SYTL5: variants seen among roughly 807,000 people sequenced by gnomAD.
SYTL5 encodes the protein synaptotagmin-like protein 5.
A neutral mutation model predicts 55.9 loss-of-function variants in SYTL5; 34 were observed. The observed-to-expected ratio is 0.61, with a 90% CI of 0.46 to 0.81. The LOEUF (loss-of-function observed/expected upper bound fraction) is 0.81. SYTL5 is among the 30% of genes least tolerant of loss of function. The pLI is 0.00. For synonymous variants in SYTL5, 221 were observed against 188.7 expected (o/e 1.17, Z -1.40); for missense variants, 637 against 546.7 (o/e 1.17, Z -1.65).
the SYTL5 span, among the ~76,000 whole-genome samples, chrX:37,970,884 A>G: frequency 8.9e-6 from 1 of 112,334 alleles, no homozygotes; most frequent in Non-Finnish European, 1.9e-5. Context: ...CCCTTATGGC[A>G]AATCTTATAG....
At chrX:37,889,654 A>G in the SYTL5 span, among the ~76,000 whole-genome samples, 1 of 111,512 alleles carries the variant, frequency 9.0e-6, no homozygotes, top group Non-Finnish European at 1.9e-5. Context: ...TTACCTAATA[A>G]TAGCCCACCC....
chrX:37,932,366 T>C, the SYTL5 span, among the ~76,000 whole-genome samples: 1 of 111,786 alleles, frequency 8.9e-6, no homozygotes, highest in African/African-American at 3.3e-5. Context: ...GGGTAAACCT[T>C]TTCATGTCTT....
At chrX:38,101,185 T>C (rs1937074477) in intron 9 of SYTL5, among the ~76,000 whole-genome samples, 1 of 111,268 alleles carries the variant, frequency 9.0e-6, no homozygotes, top group Admixed American at 9.5e-5. Context: ...AAACTATAAA[T>C]AAAAGCAAGA....
chrX:37,932,917 T>C, the SYTL5 span, among the ~76,000 whole-genome samples: 1 of 111,221 alleles, frequency 9.0e-6, no homozygotes, highest in Non-Finnish European at 1.9e-5. Flanking sequence ...CTTGAGATTC[T>C]CACAGCATGA....
chrX:38,101,947 T>C (rs921437016), intron 9 of SYTL5, among the ~76,000 whole-genome samples: 6 of 109,904 alleles, frequency 5.5e-5, no homozygotes, highest in Non-Finnish European at 1.1e-4. Flanking sequence ...TTTTGAGATA[T>C]GCTTTACCAT....
the SYTL5 span, among the ~76,000 whole-genome samples, chrX:37,997,807 C>T: frequency 3.6e-5 from 4 of 112,523 alleles, no homozygotes; most frequent in Non-Finnish European, 7.5e-5. Flanking sequence ...GACTGCAGTC[C>T]TACAGACTGG....
rs1355973850 is a variant in SYTL5, at chrX:38,011,908, G to A, written c.-357+5240G>A. Among the ~76,000 whole-genome samples the A allele has an allele frequency of 5.5e-5, 6 of 109,394 alleles. No individual in the cohort carries two copies. In the East Asian group the frequency reaches 1.4e-3, roughly 26 times the overall value. The allele number at this position is 109,394 out of a possible 115,157, so 95.0% of individuals were successfully genotyped here. A position where few individuals can be genotyped will look rare whatever the true frequency, so the allele number is the denominator to read the frequency against. On this transcript the variant is annotated intron_variant, in intron 1 of 16. Coordinates refer to ENST00000297875, the MANE Select transcript of SYTL5 (RefSeq NM_138780.3). ...TTTTTTTTTTTACTTTTCTCTAAGC[G>A]TTAGCTACAAAAATAACTTAATAGG...
chrX:37,932,332 G>A, the SYTL5 span, among the ~76,000 whole-genome samples: 4 of 111,051 alleles, frequency 3.6e-5, no homozygotes, highest in Non-Finnish European at 7.6e-5. Context: ...AATGGAGGGG[G>A]AGCCATCTTT....
chrX:37,955,911 C>A, the SYTL5 span, among the ~76,000 whole-genome samples: 1 of 111,585 alleles, frequency 9.0e-6, no homozygotes, highest in East Asian at 2.8e-4. Context: ...AGACCTTAGT[C>A]ATTTACTTAT....
chrX:37,998,869 C>G, the SYTL5 span, among the ~76,000 whole-genome samples: 1 of 112,618 alleles, frequency 8.9e-6, no homozygotes, highest in Admixed American at 9.4e-5. Flanking sequence ...GTTCATTATT[C>G]TCACTGTAAT....
intron 3 of SYTL5, among the ~76,000 whole-genome samples, chrX:38,056,347 T>C (rs1340859311): frequency 8.9e-6 from 1 of 112,349 alleles, no homozygotes; most frequent in Non-Finnish European, 1.9e-5. Context: ...GTACCACATT[T>C]TCTTCATCCA....
chrX:38,056,712 A>G (rs1304517991), intron 3 of SYTL5, among the ~76,000 whole-genome samples: 1 of 111,744 alleles, frequency 8.9e-6, no homozygotes, highest in East Asian at 2.8e-4. Flanking sequence ...TCTGATGATC[A>G]ATGTTGTTGA....
intron 3 of SYTL5, among the ~76,000 whole-genome samples, chrX:38,064,947 T>C (rs1038854161): frequency 5.4e-5 from 6 of 111,527 alleles, no homozygotes; most frequent in African/African-American, 1.6e-4. Flanking sequence ...TTTATTTCTA[T>C]TATCATTGTG....
chrX:37,928,915 T>C, the SYTL5 span, among the ~76,000 whole-genome samples: 1 of 112,345 alleles, frequency 8.9e-6, no homozygotes, highest in East Asian at 2.8e-4. Context: ...TTATTATCAG[T>C]CTGCCTAATT....
the SYTL5 span, among the ~76,000 whole-genome samples, chrX:37,996,502 G>A: frequency 2.7e-3 from 300 of 112,604 alleles, 1 homozygote; most frequent in African/African-American, 9.3e-3. Context: ...GACAGAGGCC[G>A]GGGTGACTGT....
At chrX:38,075,246 T>C (rs1362030706) in intron 5 of SYTL5, among the ~76,000 whole-genome samples, 1 of 111,684 alleles carries the variant, frequency 9.0e-6, no homozygotes, top group East Asian at 2.8e-4. Flanking sequence ...CTGATTGTTC[T>C]CAGTCATCAA....
chrX:37,921,624 T>A, the SYTL5 span, among the ~76,000 whole-genome samples: 6 of 111,939 alleles, frequency 5.4e-5, no homozygotes, highest in Non-Finnish European at 9.4e-5. Context: ...TATTGCCACT[T>A]ACCAGTTATA....
At chrX:38,027,404 C>A (rs1242874168) in intron 1 of SYTL5, among the ~76,000 whole-genome samples, 1 of 111,757 alleles carries the variant, frequency 8.9e-6, no homozygotes, top group East Asian at 2.8e-4. Context: ...TTACATTACA[C>A]AGCCCTTTTG....
chrX:37,913,529 A>G, the SYTL5 span, among the ~76,000 whole-genome samples: 1 of 112,151 alleles, frequency 8.9e-6, no homozygotes, highest in Non-Finnish European at 1.9e-5. Context: ...TTAGCCTCAC[A>G]GCAAATATCT....
Sources: gnomAD v4.1 joint callset for allele counts (sites outside exome capture counted in the v4.1 genomes callset) on GRCh38, gnomAD v4.1.1 for gene constraint, MANE v1.5 for transcripts, NCBI Gene and HGNC (gene_info 2026-07-23, HGNC 2026-07-21) for gene names.